The following SLC39A11 variants were observed in gnomAD, a reference collection of about 807,000 sequenced individuals.
SLC39A11 encodes zinc transporter ZIP11.
Under a neutral mutation model 36.1 loss-of-function variants are expected in SLC39A11, and 33 were observed. That is an observed-to-expected ratio of 0.91 (90% CI 0.69 to 1.22). SLC39A11 has a LOEUF of 1.22. Among genes scored for constraint, SLC39A11 ranks in the 50% most tolerant of loss-of-function variants. The pLI, the probability that SLC39A11 is intolerant of heterozygous loss-of-function variation, is 0.00. For synonymous variants in SLC39A11, 166 were observed against 170.3 expected (o/e 0.97, Z 0.20); for missense variants, 432 against 430.3 (o/e 1.00, Z -0.03).
At chr17:72,957,282 C>T (rs1402627827) in intron 4 of SLC39A11, among the ~76,000 whole-genome samples, 4 of 152,252 alleles carry the variant, frequency 2.6e-5, no homozygotes, top group South Asian at 2.1e-4. Context: ...TTGTCAGGTA[C>T]GGATGCTGAC....
chr17:72,732,350 C>T (rs1264906219), intron 7 of SLC39A11, among the ~76,000 whole-genome samples: 1 of 152,158 alleles, frequency 6.6e-6, no homozygotes, highest in East Asian at 1.9e-4. Flanking sequence ...ATTCAGATTT[C>T]ACTAGTAACT....
intron 3 of SLC39A11, among the ~76,000 whole-genome samples, chr17:73,062,399 T>TTACAGTGA (rs1431963586): frequency 5.8e-5 from 8 of 138,904 alleles, no homozygotes; most frequent in African/African-American, 2.2e-4. Context: ...GCAGAGGAGG[T>TTACAGTGA]TACAGTGAGC....
chr17:72,970,325 C>T (rs1481420453), intron 4 of SLC39A11, among the ~76,000 whole-genome samples: 1 of 152,188 alleles, frequency 6.6e-6, no homozygotes, highest in African/African-American at 2.4e-5. Flanking sequence ...ACTTTTCACA[C>T]CTTCACGTTT....
At chr17:73,036,299 T>G (rs2058912042) in intron 3 of SLC39A11, among the ~76,000 whole-genome samples, 1 of 152,174 alleles carries the variant, frequency 6.6e-6, no homozygotes, top group South Asian at 2.1e-4. Flanking sequence ...CCAAGAATTC[T>G]GACATAGGCC....
intron 5 of SLC39A11, among the ~76,000 whole-genome samples, chr17:72,850,998 G>A (rs902800657): frequency 2.6e-5 from 4 of 151,978 alleles, no homozygotes; most frequent in African/African-American, 4.8e-5. Context: ...CGTGATGCGC[G>A]AGCAGCTCTG....
intron 7 of SLC39A11, among the ~76,000 whole-genome samples, chr17:72,660,405 G>A (rs1272264188): frequency 6.6e-6 from 1 of 152,180 alleles, no homozygotes; most frequent in Non-Finnish European, 1.5e-5. Context: ...CACCTCATGA[G>A]CAGCTTTCAC....
At chr17:72,910,926 C>CAAAA (rs199741291) in intron 5 of SLC39A11, among the ~76,000 whole-genome samples, 4 of 111,998 alleles carry the variant, frequency 3.6e-5, no homozygotes, top group Admixed American at 9.5e-5. Context: ...GACTCCACCT[C>CAAAA]AAAAAAAAAA....
chr17:72,777,869 A>ATGTATG (rs2076186370), intron 6 of SLC39A11, among the ~76,000 whole-genome samples: 43 of 150,070 alleles, frequency 2.9e-4, no homozygotes, highest in East Asian at 1.2e-3. Flanking sequence ...ATGTATGTAT[A>ATGTATG]TATGTATGTA....
intron 3 of SLC39A11, among the ~76,000 whole-genome samples, chr17:73,049,706 T>C (rs1010245335): frequency 6.6e-6 from 1 of 152,164 alleles, no homozygotes; most frequent in Non-Finnish European, 1.5e-5. Context: ...CTAGGGATTG[T>C]AATGAACAAG....
At chr17:72,903,271 GAAAAAAAAA>G (rs11450652) in intron 5 of SLC39A11, among the ~76,000 whole-genome samples, 2 of 113,334 alleles carry the variant, frequency 1.8e-5, no homozygotes, top group African/African-American at 6.1e-5. Flanking sequence ...GTCTCGAAAA[GAAAAAAAAA>G]AAAAAAAAAG....
intron 6 of SLC39A11, among the ~76,000 whole-genome samples, chr17:72,830,850 C>T (rs532566934): frequency 5.9e-5 from 9 of 152,248 alleles, no homozygotes; most frequent in South Asian, 2.1e-4. Context: ...ATTCCCCTGT[C>T]GGCTCCATGG....
chr17:72,674,674 G>T (rs2071175480), intron 7 of SLC39A11, among the ~76,000 whole-genome samples: 1 of 152,176 alleles, frequency 6.6e-6, no homozygotes, highest in Admixed American at 6.5e-5. Flanking sequence ...AGGTATGAGA[G>T]AGCCATTTCT....
chr17:73,063,632 A>G (rs999744127), intron 3 of SLC39A11, among the ~76,000 whole-genome samples: 2 of 152,192 alleles, frequency 1.3e-5, no homozygotes, highest in Non-Finnish European at 2.9e-5. Context: ...AATTAAAATT[A>G]AAATTAAAAA....
intron 4 of SLC39A11, among the ~76,000 whole-genome samples, chr17:73,016,620 C>T (rs938944933): frequency 6.6e-6 from 1 of 152,214 alleles, no homozygotes; most frequent in African/African-American, 2.4e-5. Context: ...AGGCGTGAGC[C>T]ACCACACCTC....
At chr17:72,895,987 T>C (rs1267470471) in intron 5 of SLC39A11, among the ~76,000 whole-genome samples, 4 of 151,784 alleles carry the variant, frequency 2.6e-5, no homozygotes, top group Non-Finnish European at 5.9e-5. Context: ...TTATTTTTAA[T>C]CTTTTTTTTT....
chr17:72,689,326 C>T (rs1026683602), intron 7 of SLC39A11, among the ~76,000 whole-genome samples: 27 of 152,196 alleles, frequency 1.8e-4, no homozygotes, highest in South Asian at 2.1e-4. Flanking sequence ...TGTTTGAAAG[C>T]GTTCAGCTGG....
chr17:72,917,272 C>T (rs1485349574), intron 5 of SLC39A11, among the ~76,000 whole-genome samples: 2 of 152,216 alleles, frequency 1.3e-5, no homozygotes, highest in Non-Finnish European at 2.9e-5. Context: ...TTCTGCTTTC[C>T]CAGCATTTGC....
At chr17:72,969,293 G>T (rs772587616) in intron 4 of SLC39A11, among the ~76,000 whole-genome samples, 3 of 152,112 alleles carry the variant, frequency 2.0e-5, no homozygotes, top group Non-Finnish European at 4.4e-5. Flanking sequence ...TTTCCAGGGA[G>T]GGCTGTAATG....
At chr17:72,650,308 T>C (rs544018695) in intron 7 of SLC39A11, among the ~76,000 whole-genome samples, 36 of 152,244 alleles carry the variant, frequency 2.4e-4, no homozygotes, top group Middle Eastern at 3.4e-3. Context: ...CATTGGAGTG[T>C]GAGAGGAGGG....
Sources: allele counts gnomAD v4.1 joint callset (sites outside exome capture counted in the v4.1 genomes callset), GRCh38; gene constraint gnomAD v4.1.1; transcripts MANE v1.5; gene names NCBI Gene and HGNC (gene_info 2026-07-23, HGNC 2026-07-21).